The following RELT variants were observed in gnomAD, a reference collection of about 807,000 sequenced individuals.
The protein encoded by RELT is RELT TNF receptor.
In RELT, 37 loss-of-function variants were observed where a neutral mutation model predicts 51.1. The ratio of observed to expected loss-of-function variants is 0.72; its 90% CI spans 0.56 to 0.95. RELT has a LOEUF of 0.95. Among genes scored for constraint, RELT ranks in the 40% least tolerant of loss-of-function variants. The pLI is 0.00. For missense variants in RELT, 535 were observed against 572.6 expected, an observed-to-expected ratio of 0.93 and a Z score of 0.67; for synonymous variants, 241 against 235.7, an observed-to-expected ratio of 1.02 and a Z score of -0.21.
At position 73,388,505 on chromosome 11, in the gene RELT, G is replaced by GGT. The variant is rs1189415508; in HGVS notation, c.-25-605_-25-604dup. ...TGCAGAAGGACCAGGACCTAGATGG[G>GGT]GTGGGGAGCTGTGGGAGCCAGACCC... On this transcript the variant is annotated intron_variant, in intron 1 of 10. Coordinates refer to ENST00000064780, the MANE Select transcript of RELT (RefSeq NM_152222.2). This position sits in a 1 kb window ranked among gnomAD's most constrained non-coding sequence, Gnocchi z 4.1. Among the ~76,000 whole-genome samples, 1 of 152,202 alleles carries GGT rather than the reference G, an allele frequency of 6.6e-6. No homozygotes were observed. The highest frequency in any genetic ancestry group is 1.5e-5 in the Non-Finnish European group (1 of 68,038).
In RELT at chr11:73,394,986, G is replaced by T. The variant is rs1053762503; in HGVS notation, c.1047-101G>T. 1 of 1,138,042 alleles carries T rather than the reference G, an allele frequency of 8.8e-7. No homozygotes were observed. The highest frequency in any genetic ancestry group is 1.5e-5 in the African/African-American group (1 of 65,522). The allele number at this position is 1,138,042 out of a possible 1,614,324, so 70.5% of individuals were successfully genotyped here. A position where few individuals can be genotyped will look rare whatever the true frequency, so the allele number is the denominator to read the frequency against. On this transcript the variant is annotated intron_variant, in intron 9 of 10. Transcript: ENST00000064780. This position sits in a 1 kb window ranked among gnomAD's most constrained non-coding sequence, Gnocchi z 4.9. ...TGGCACCCGGGCCTCTCAGGCTAAGGCTCTGGTCCATGAACTTGCTGTGTG... is the reference window on the plus strand; with the variant it reads ...TGGCACCCGGGCCTCTCAGGCTAAGTCTCTGGTCCATGAACTTGCTGTGTG...
rs747552056 is a variant in RELT at position 73,395,153 on chromosome 11, G to A, written c.1113G>A (p.Thr371=). The change falls in exon 10 of 11, where the codon ACG becomes ACA. Residue 371 remains threonine, a synonymous_variant. Coordinates refer to ENST00000064780, the MANE Select transcript of RELT (RefSeq NM_152222.2). ...SSMVSEVKTI[T]EAGPSWGDLP... ...TGGTGTCTGAGGTGAAGACCATCAC[G>A]GAGGCTGGGCCCTCGTGGGGTGATC... 97 of 1,613,622 alleles carry A rather than the reference G, an allele frequency of 6.0e-5. No individual in the cohort carries two copies. Among genetic ancestry groups the A allele is most frequent in the South Asian group, 3.7e-4 (34 of 91,088 alleles).
intron 1 of RELT, among the ~76,000 whole-genome samples, chr11:73,387,763 C>G (rs995492405): frequency 6.6e-6 from 1 of 152,028 alleles, no homozygotes; most frequent in Non-Finnish European, 1.5e-5. Context: ...GTGGGAGGGC[C>G]GGGCTGCCTG....
At position 73,395,942 on chromosome 11, in the gene RELT, A is replaced by G; in HGVS notation, c.*451A>G. 5.6e-6 allele frequency: 1 copy of G among 179,250 alleles called. No homozygotes were observed. Among genetic ancestry groups the G allele is most frequent in the East Asian group, 1.6e-4 (1 of 6,362 alleles). 11.1% of individuals were successfully genotyped at this position (179,250 alleles called of 1,614,324 possible). ...CCCTCCTCTTCCAGCAGGTCTATAAAGGGAAGGGGTAGCAGAAAGTCCTGG... is the reference window on the plus strand; with the variant it reads ...CCCTCCTCTTCCAGCAGGTCTATAAGGGGAAGGGGTAGCAGAAAGTCCTGG... On this transcript the variant is annotated 3_prime_UTR_variant, in exon 11 of 11. Coordinates refer to ENST00000064780, the MANE Select transcript of RELT (RefSeq NM_152222.2).
intron 1 of RELT, among the ~76,000 whole-genome samples, chr11:73,384,914 C>G (rs891195481): frequency 6.6e-6 from 1 of 151,908 alleles, no homozygotes; most frequent in African/African-American, 2.4e-5. Context: ...GAGCTGAGCT[C>G]TAAGGAAGAG....
At position 73,394,747 on chromosome 11, in the gene RELT, C is replaced by G; in HGVS notation, c.1046+13C>G. 1 of 1,602,374 alleles carries G rather than the reference C, an allele frequency of 6.2e-7. No individual in the cohort carries two copies. ...TGTCTGTGGGCAGGTGAGATGGGCA[C>G]AGATGCAGCAGGGGCAGGTAAAGAC... On this transcript the variant is annotated intron_variant, in intron 9 of 10. Transcript: ENST00000064780. The surrounding 1 kb of genome is among the most constrained non-coding windows in gnomAD (Gnocchi z 4.9).
rs777734894 is a variant in RELT at position 73,394,705 on chromosome 11, G to T, written c.1017G>T (p.Gln339His). 5.6e-6 allele frequency: 9 copies of T among 1,611,752 alleles called. No homozygotes were observed. The South Asian group carries it at 8.8e-5, about 16-fold the overall frequency. ...VPKAGAKAGR[Q>H]GEITILSVGR... ...AGGCCGGGGCCAAGGCAGGGCGTCA[G>T]GGCGAGATCACCATCTTGTCTGTGG... Residue 339 changes from glutamine to histidine, a missense_variant, in exon 9 of 11, where the codon CAG (glutamine) becomes CAT (histidine). Physicochemically the swap from Gln to His is conservative, Grantham distance 24. Transcript: ENST00000064780. This position sits in a 1 kb window ranked among gnomAD's most constrained non-coding sequence, Gnocchi z 4.9.
At position 73,387,066 on chromosome 11, in the gene RELT, C is replaced by T. The variant is rs139909131; in HGVS notation, c.-25-2046C>T. On this transcript the variant is annotated intron_variant, in intron 1 of 10. Coordinates refer to ENST00000064780, the MANE Select transcript of RELT (RefSeq NM_152222.2). ...GTTCAAGCGATTCCCCTGCCTCAGC[C>T]TCCCGAGTAGCTGGGATTACAAGTT... Among the ~76,000 whole-genome samples the T allele has an allele frequency of 1.2e-4, 19 of 152,230 alleles. No individual in the cohort carries two copies. The East Asian group carries it at 3.3e-3, about 26-fold the overall frequency.
intron 1 of RELT, among the ~76,000 whole-genome samples, chr11:73,387,543 C>T (rs1866144951): frequency 6.6e-6 from 1 of 152,230 alleles, no homozygotes; most frequent in African/African-American, 2.4e-5. Context: ...GTGGCCTCCA[C>T]CCTATACTGT....
chr11:73,385,090 G>T (rs887617967), intron 1 of RELT, among the ~76,000 whole-genome samples: 1 of 152,286 alleles, frequency 6.6e-6, no homozygotes, highest in African/African-American at 2.4e-5. Flanking sequence ...GGCCAGAACT[G>T]GGTGTCAGGG....
intron 1 of RELT, among the ~76,000 whole-genome samples, chr11:73,387,164 T>C (rs1384922304): frequency 6.6e-6 from 1 of 152,106 alleles, no homozygotes; most frequent in African/African-American, 2.4e-5. Context: ...AGGCTGGTCT[T>C]GAACTCCTGA....
rs2134457205 is a variant in RELT at position 73,394,973 on chromosome 11, C to G, written c.1047-114C>G. The G allele has an allele frequency of 9.6e-7, 1 of 1,039,542 alleles. No homozygotes were observed. The highest frequency in any genetic ancestry group is 2.5e-5 in the East Asian group (1 of 40,792). 64.4% of individuals were successfully genotyped at this position (1,039,542 alleles called of 1,614,324 possible). Reference sequence around the variant, plus strand: ...ATCTTGGCCCCCATGGCACCCGGGCCTCTCAGGCTAAGGCTCTGGTCCATG... The same window carrying G: ...ATCTTGGCCCCCATGGCACCCGGGCGTCTCAGGCTAAGGCTCTGGTCCATG... On this transcript the variant is annotated intron_variant, in intron 9 of 10. Coordinates refer to ENST00000064780, the MANE Select transcript of RELT (RefSeq NM_152222.2). This position sits in a 1 kb window ranked among gnomAD's most constrained non-coding sequence, Gnocchi z 4.9.
rs1866328038 is a variant in RELT at position 73,396,931 on chromosome 11, A to G, written c.*1440A>G. 1.3e-5 allele frequency: 2 copies of G among 152,236 alleles called. No homozygotes were observed. The highest frequency in any genetic ancestry group is 2.4e-5 in the African/African-American group (1 of 41,460). The allele number at this position is 152,236 out of a possible 1,614,324, so 9.4% of individuals were successfully genotyped here. ...TCAAAAAGTAAAAAGAAGCAGGTGA[A>G]CTTAATTTTTTTTTAACCCAGTCTA... On this transcript the variant is annotated 3_prime_UTR_variant, in exon 11 of 11. Coordinates refer to ENST00000064780, the MANE Select transcript of RELT (RefSeq NM_152222.2).
rs1866271616 is a variant in RELT at position 73,394,398 on chromosome 11, C to A, written c.789-79C>A. ...CCTGGGGATCTCCCACTTGGGTCTC[C>A]CTCAAGTCACCCTGTTCCCTGCTGG... On this transcript the variant is annotated intron_variant, in intron 8 of 10. Coordinates refer to ENST00000064780, the MANE Select transcript of RELT (RefSeq NM_152222.2). The surrounding 1 kb of genome is among the most constrained non-coding windows in gnomAD (Gnocchi z 4.9). The A allele has an allele frequency of 1.9e-6, 3 of 1,609,018 alleles. No individual in the cohort carries two copies. The highest frequency in any genetic ancestry group is 2.6e-6 in the Non-Finnish European group (3 of 1,176,256).
At chr11:73,377,219 C>T (rs1397087227) in intron 1 of RELT, among the ~76,000 whole-genome samples, 1 of 151,030 alleles carries the variant, frequency 6.6e-6, no homozygotes, top group Non-Finnish European at 1.5e-5. Flanking sequence ...TGACTGAGAA[C>T]GAGCCGAGCT....
chr11:73,377,688 C>T (rs578031348), intron 1 of RELT, among the ~76,000 whole-genome samples: 92 of 150,598 alleles, frequency 6.1e-4, no homozygotes, highest in African/African-American at 2.1e-3. Flanking sequence ...CAGACCCCCC[C>T]GCCCCCCTCC....
At position 73,394,334 on chromosome 11, in the gene RELT, G is replaced by A. The variant is rs746606081; in HGVS notation, c.788+17G>A. ...TGTGTCCAAGTGAGTGGGCTGGTGGGAGATAACGGGGCCAAAACCTACATT... is the reference window on the plus strand; with the variant it reads ...TGTGTCCAAGTGAGTGGGCTGGTGGAAGATAACGGGGCCAAAACCTACATT... On this transcript the variant is annotated intron_variant, in intron 8 of 10. Coordinates refer to ENST00000064780, the MANE Select transcript of RELT (RefSeq NM_152222.2). This position sits in a 1 kb window ranked among gnomAD's most constrained non-coding sequence, Gnocchi z 4.9. 6.2e-7 allele frequency: 1 copy of A among 1,612,816 alleles called. No homozygotes were observed. Among genetic ancestry groups the A allele is most frequent in the Non-Finnish European group, 8.5e-7 (1 of 1,179,606 alleles).
chr11:73,394,606 G>A lies in RELT; in HGVS notation c.918G>A (p.Val306=). ...SRCSQKKWPE[V]LLSPEAVAAT... ...GTAGCCAGAAGAAGTGGCCCGAGGT[G>A]CTGCTGTCCCCTGAGGCTGTAGCCG... The change falls in exon 9 of 11, where the codon GTG becomes GTA. Residue 306 remains valine, a synonymous_variant. Coordinates refer to ENST00000064780, the MANE Select transcript of RELT (RefSeq NM_152222.2). The surrounding 1 kb of genome is among the most constrained non-coding windows in gnomAD (Gnocchi z 4.9). The A allele has an allele frequency of 1.2e-6, 2 of 1,613,260 alleles. No individual in the cohort carries two copies. Among genetic ancestry groups the A allele is most frequent in the Non-Finnish European group, 8.5e-7 (1 of 1,180,020 alleles).
At chr11:73,393,956 A>C in intron 7 of RELT, 39 bp downstream of exon 7, 2 of 1,588,058 alleles carry the variant, frequency 1.3e-6, no homozygotes, top group Non-Finnish European at 1.7e-6. Flanking sequence ...TGCCCAGGAG[A>C]GGAGGGTTTC....
Sources: gnomAD v4.1 joint callset for allele counts (sites outside exome capture counted in the v4.1 genomes callset) on GRCh38, gnomAD v4.1.1 for gene constraint, Gnocchi (gnomAD v3.1) non-coding constraint, MANE v1.5 for transcripts, NCBI Gene and HGNC (gene_info 2026-07-23, HGNC 2026-07-21) for gene names.